PTPRR: variants seen among roughly 807,000 people sequenced by gnomAD.
The protein encoded by PTPRR is protein tyrosine phosphatase receptor type R, also known as receptor-type tyrosine-protein phosphatase R.
In PTPRR, 38 loss-of-function variants were observed where a neutral mutation model predicts 77.2. That is an observed-to-expected ratio of 0.49 (90% CI 0.38 to 0.65). PTPRR has a LOEUF of 0.65. Ranked by LOEUF, PTPRR falls within the 30% of genes least tolerant of loss-of-function variation. PTPRR has a pLI of 0.00. For synonymous variants in PTPRR, 299 were observed against 283.1 expected, an observed-to-expected ratio of 1.06 and a Z score of -0.57; for missense variants, 744 against 799.2, an observed-to-expected ratio of 0.93 and a Z score of 0.83.
intron 2 of PTPRR, among the ~76,000 whole-genome samples, chr12:70,840,364 G>A (rs1892376220): frequency 6.6e-6 from 1 of 152,082 alleles, no homozygotes; most frequent in Non-Finnish European, 1.5e-5. Context: ...GGTCCCTTGT[G>A]ATTGCTTTGG....
intron 3 of PTPRR, among the ~76,000 whole-genome samples, chr12:70,763,025 C>G (rs951473671): frequency 6.6e-5 from 10 of 151,902 alleles, no homozygotes; most frequent in African/African-American, 2.4e-4. Context: ...TCTATATCAT[C>G]TCTCTATATA....
At chr12:70,813,395 G>A (rs533409181) in intron 2 of PTPRR, among the ~76,000 whole-genome samples, 2 of 145,892 alleles carry the variant, frequency 1.4e-5, no homozygotes, top group East Asian at 2.0e-4. Flanking sequence ...GATATTTTAC[G>A]TTTTTGACAA....
At chr12:70,726,651 G>A in intron 6 of PTPRR, among the ~76,000 whole-genome samples, 1 of 150,998 alleles carries the variant, frequency 6.6e-6, no homozygotes, top group South Asian at 2.1e-4. Context: ...CGTGATCATA[G>A]CTCACTGCAA....
chr12:70,707,678 GT>G (rs931162066), intron 6 of PTPRR, among the ~76,000 whole-genome samples: 2 of 152,022 alleles, frequency 1.3e-5, no homozygotes, highest in Non-Finnish European at 1.5e-5. Context: ...AATCTCTTGA[GT>G]TTGGAGAAGT....
Position 70,802,414 on chromosome 12 carries a change from T to C in PTPRR, c.358-37636A>G, listed in dbSNP as rs568610643. Among the ~76,000 whole-genome samples the C allele has an allele frequency of 4.6e-4, 70 of 152,322 alleles. No individual in the cohort carries two copies. The Middle Eastern group carries it at 0.01, about 22-fold the overall frequency. On this transcript the variant is annotated intron_variant, in intron 2 of 13. Transcript: ENST00000283228. ...TCATATTTTGTCAGATTTTAATCAA[T>C]ATATGGTCATGGGAATTAGGCACAA...
intron 7 of PTPRR, 37 bp downstream of exon 7, chr12:70,701,100 T>C (rs1888404469): frequency 6.2e-7 from 1 of 1,608,720 alleles, no homozygotes. Context: ...TGTATCAAAA[T>C]ACCGACTGAA....
intron 6 of PTPRR, among the ~76,000 whole-genome samples, chr12:70,710,190 G>C (rs940696746): frequency 1.1e-4 from 16 of 151,992 alleles, no homozygotes; most frequent in Admixed American, 9.8e-4. Flanking sequence ...CATAGTACTG[G>C]GACAAAAACA....
chr12:70,657,757 C>G (rs986316218), intron 12 of PTPRR, among the ~76,000 whole-genome samples: 4 of 152,132 alleles, frequency 2.6e-5, no homozygotes, highest in African/African-American at 9.7e-5. Context: ...GTCTTGGAAC[C>G]ATCTTTTACA....
intron 2 of PTPRR, among the ~76,000 whole-genome samples, chr12:70,878,178 A>G (rs1358763329): frequency 6.6e-6 from 1 of 152,228 alleles, no homozygotes; most frequent in Non-Finnish European, 1.5e-5. Flanking sequence ...ACCATTCACG[A>G]CATAGGCATG....
chr12:70,654,395 T>A (rs111290339), intron 13 of PTPRR, among the ~76,000 whole-genome samples: 9,887 of 152,080 alleles, frequency 0.065, 477 homozygotes, highest in Admixed American at 0.15. Context: ...CTGGGCAACA[T>A]GGCAAAGCCC....
At chr12:70,657,965 C>T (rs972704549) in intron 12 of PTPRR, among the ~76,000 whole-genome samples, 1 of 152,152 alleles carries the variant, frequency 6.6e-6, no homozygotes, top group African/African-American at 2.4e-5. Flanking sequence ...CGCACAGCTG[C>T]TAAGTTCATC....
intron 2 of PTPRR, among the ~76,000 whole-genome samples, chr12:70,797,099 T>C (rs1281063990): frequency 6.6e-6 from 1 of 152,216 alleles, no homozygotes; most frequent in South Asian, 2.1e-4. Context: ...TCTTTGCTTT[T>C]GACTATGCTT....
chr12:70,773,910 G>A (rs532728487), intron 2 of PTPRR, among the ~76,000 whole-genome samples: 1 of 152,340 alleles, frequency 6.6e-6, no homozygotes, highest in East Asian at 1.9e-4. Flanking sequence ...TAAAGGACAA[G>A]TAGGATTTGG....
In PTPRR at chr12:70,812,353, A is replaced by G. The variant is rs11178435; in HGVS notation, c.358-47575T>C. The stretch of plus-strand genomic sequence containing the variant: ...AAGGGCAAGTTTCAGAGGTGCCACA[A>G]TGCAAATTGTTCCAGAACATGAGAG... On this transcript the variant is annotated intron_variant, in intron 2 of 13. Transcript: ENST00000283228. 4.0e-3 allele frequency among the ~76,000 whole-genome samples: 609 copies of G among 152,328 alleles called. 24 individuals carry two copies. In the East Asian group the frequency reaches 0.066, roughly 17 times the overall value.
intron 2 of PTPRR, among the ~76,000 whole-genome samples, chr12:70,769,273 C>T (rs1210361869): frequency 6.6e-5 from 10 of 150,776 alleles, no homozygotes; most frequent in Non-Finnish European, 1.5e-4. Flanking sequence ...ATTGTCTCAG[C>T]CCAAAATCTC....
chr12:70,823,754 G>A (rs1234157521), intron 2 of PTPRR, among the ~76,000 whole-genome samples: 1 of 152,174 alleles, frequency 6.6e-6, no homozygotes, highest in Non-Finnish European at 1.5e-5. Context: ...AGAGTTAGGA[G>A]CACACGGAGG....
chr12:70,713,926 G>A (rs1034861506), intron 6 of PTPRR, among the ~76,000 whole-genome samples: 1 of 152,060 alleles, frequency 6.6e-6, no homozygotes, highest in South Asian at 2.1e-4. Context: ...ACCTTATTGT[G>A]GGTGTTTCTC....
intron 2 of PTPRR, among the ~76,000 whole-genome samples, chr12:70,888,749 A>T (rs17814583): frequency 0.16 from 24,623 of 152,158 alleles, 2,127 homozygotes; most frequent in Non-Finnish European, 0.19. Flanking sequence ...TTGCCCACCA[A>T]GAGCAAGTCA....
chr12:70,814,534 C>CCCAGCTTATAGTGGAGAT (rs1046082004), intron 2 of PTPRR, among the ~76,000 whole-genome samples: 10 of 152,158 alleles, frequency 6.6e-5, no homozygotes, highest in African/African-American at 1.9e-4. Flanking sequence ...CAGGGAGGTC[C>CCCAGCTTATAGTGGAGAT]CCAGCTTATA....
Sources: allele counts gnomAD v4.1 joint callset (sites outside exome capture counted in the v4.1 genomes callset), GRCh38; gene constraint gnomAD v4.1.1; transcripts MANE v1.5; gene names NCBI Gene and HGNC (gene_info 2026-07-23, HGNC 2026-07-21).